PDE1A: variants seen among roughly 807,000 people sequenced by gnomAD.
PDE1A encodes dual specificity calcium/calmodulin-dependent 3',5'-cyclic nucleotide phosphodiesterase 1A.
In PDE1A, 35 loss-of-function variants were observed where a neutral mutation model predicts 61.7. That is an observed-to-expected ratio of 0.57 (90% CI 0.43 to 0.75). PDE1A has a LOEUF of 0.75. Ranked by LOEUF, PDE1A falls within the 30% of genes least tolerant of loss-of-function variation. The probability of loss-of-function intolerance (pLI) is 0.00; values close to 1 mark genes in which losing one functional copy is unlikely to be tolerated. For synonymous variants in PDE1A, 232 were observed against 213.2 expected (o/e 1.09, Z -0.77); for missense variants, 597 against 630.6 (o/e 0.95, Z 0.57).
At chr2:182,195,502 T>C (rs1332477457) in intron 10 of PDE1A, among the ~76,000 whole-genome samples, 2 of 152,126 alleles carry the variant, frequency 1.3e-5, no homozygotes, top group Admixed American at 1.3e-4. Context: ...AGGCTTCTTA[T>C]GTTTGACCAA....
chr2:182,630,290 G>A, the PDE1A span, among the ~76,000 whole-genome samples: 1 of 151,938 alleles, frequency 6.6e-6, no homozygotes, highest in Non-Finnish European at 1.5e-5. Context: ...TATTGTGTAA[G>A]TCAGTGATAC....
At chr2:182,269,863 T>G (rs192241423) in intron 1 of PDE1A, among the ~76,000 whole-genome samples, 93 of 152,240 alleles carry the variant, frequency 6.1e-4, no homozygotes, top group African/African-American at 2.1e-3. Context: ...AAATTGCAAA[T>G]TGCAAGCTAA....
chr2:182,481,441 G>A (rs1687696657), intron 2 of PDE1A, among the ~76,000 whole-genome samples: 1 of 151,822 alleles, frequency 6.6e-6, no homozygotes, highest in South Asian at 2.1e-4. Context: ...TCTAACATTT[G>A]ACTATGAAGT....
At chr2:182,317,053 G>A (rs1696383349) in intron 1 of PDE1A, among the ~76,000 whole-genome samples, 1 of 152,054 alleles carries the variant, frequency 6.6e-6, no homozygotes, top group Non-Finnish European at 1.5e-5. Context: ...TACATTTCTG[G>A]TTTGGAGTTT....
At chr2:182,491,204 C>T (rs1294190746) in intron 2 of PDE1A, among the ~76,000 whole-genome samples, 1 of 152,084 alleles carries the variant, frequency 6.6e-6, no homozygotes, top group African/African-American at 2.4e-5. Context: ...TAACAGCAGT[C>T]AGTATAATAG....
chr2:182,262,512 G>A (rs544247767), intron 2 of PDE1A, among the ~76,000 whole-genome samples: 2 of 152,082 alleles, frequency 1.3e-5, no homozygotes, highest in East Asian at 1.9e-4. Flanking sequence ...AAAGTGATCC[G>A]CCCACTTCAG....
the PDE1A span, among the ~76,000 whole-genome samples, chr2:182,705,795 T>C: frequency 3.3e-5 from 5 of 152,124 alleles, no homozygotes; most frequent in African/African-American, 1.2e-4. Flanking sequence ...ACTACAGGCA[T>C]GAGCCACTGC....
chr2:182,402,058 T>C (rs745721795), intron 1 of PDE1A, among the ~76,000 whole-genome samples: 54 of 152,158 alleles, frequency 3.5e-4, no homozygotes, highest in Non-Finnish European at 6.6e-4. Context: ...TCCATGCTCA[T>C]GAATAGAAAG....
chr2:182,314,480 G>A (rs1294493399), intron 1 of PDE1A: 1 of 152,174 alleles, frequency 6.6e-6, no homozygotes, highest in African/African-American at 2.4e-5. Flanking sequence ...CTGATTAGCA[G>A]TAGGATTGCA....
intron 1 of PDE1A, among the ~76,000 whole-genome samples, chr2:182,385,640 G>GAAAGAAAGA (rs1553606357): frequency 0.01 from 716 of 70,470 alleles, 51 homozygotes; most frequent in African/African-American, 0.028. Flanking sequence ...AAAGAAAGAA[G>GAAAGAAAGA]AAGAAAGAAA....
chr2:182,497,310 AC>A (rs1402725608), intron 2 of PDE1A, among the ~76,000 whole-genome samples: 5 of 152,236 alleles, frequency 3.3e-5, no homozygotes, highest in Non-Finnish European at 7.3e-5. Context: ...GCAAAGGATG[AC>A]AGCAGAAACA....
the PDE1A span, among the ~76,000 whole-genome samples, chr2:182,667,358 G>C: frequency 6.6e-6 from 1 of 152,110 alleles, no homozygotes; most frequent in Non-Finnish European, 1.5e-5. Flanking sequence ...TTGTCCATTG[G>C]CCTCTGCTCT....
At chr2:182,682,445 G>A in the PDE1A span, among the ~76,000 whole-genome samples, 303 of 152,230 alleles carry the variant, frequency 2.0e-3, no homozygotes, top group African/African-American at 6.9e-3. Flanking sequence ...ATGGATAAAG[G>A]GTCTGGTGTC....
chr2:182,539,631 T>G, the PDE1A span, among the ~76,000 whole-genome samples: 1 of 152,248 alleles, frequency 6.6e-6, no homozygotes, highest in Admixed American at 6.5e-5. Flanking sequence ...CATCCCATAC[T>G]GAAAGTCTTC....
the PDE1A span, among the ~76,000 whole-genome samples, chr2:182,689,750 T>G: frequency 6.6e-6 from 1 of 152,090 alleles, no homozygotes; most frequent in Non-Finnish European, 1.5e-5. Flanking sequence ...GCTGGTTTTT[T>G]GAAAAGATCA....
chr2:182,625,352 G>C, the PDE1A span, among the ~76,000 whole-genome samples: 1 of 152,206 alleles, frequency 6.6e-6, no homozygotes, highest in Admixed American at 6.5e-5. Flanking sequence ...AGTACAAGAT[G>C]TTCTGGTGCT....
At chr2:182,163,922 A>G (rs1691516236), downstream of PDE1A, among the ~76,000 whole-genome samples, 1 of 152,164 alleles carries the variant, frequency 6.6e-6, no homozygotes, top group Non-Finnish European at 1.5e-5. Context: ...GCAGGGCCCT[A>G]CAGGTGAATC....
intron 1 of PDE1A, among the ~76,000 whole-genome samples, chr2:182,334,360 G>A (rs1025583590): frequency 6.6e-6 from 1 of 151,000 alleles, no homozygotes; most frequent in African/African-American, 2.4e-5. Flanking sequence ...GATGAACATC[G>A]ATGCAAAAAT....
At chr2:182,328,945 T>C (rs1697223679) in intron 1 of PDE1A, among the ~76,000 whole-genome samples, 1 of 152,214 alleles carries the variant, frequency 6.6e-6, no homozygotes, top group African/African-American at 2.4e-5. Context: ...TTCCAAGAAC[T>C]CTACAAAATT....
Sources: allele counts gnomAD v4.1 joint callset (sites outside exome capture counted in the v4.1 genomes callset), GRCh38; gene constraint gnomAD v4.1.1; transcripts MANE v1.5; gene names NCBI Gene and HGNC (gene_info 2026-07-23, HGNC 2026-07-21).